The following BACH2 variants were observed in gnomAD, a reference collection of about 807,000 sequenced individuals.
The protein encoded by BACH2 is transcription regulator protein BACH2.
BACH2 carries 5 observed loss-of-function variants against 61.8 expected under a neutral mutation model. The observed-to-expected ratio is 0.08, with a 90% CI of 0.04 to 0.17. The LOEUF (loss-of-function observed/expected upper bound fraction) is 0.17, where lower values mean the gene tolerates loss of function less well. Among genes scored for constraint, BACH2 ranks in the 10% least tolerant of loss-of-function variants. The pLI, the probability that BACH2 is intolerant of heterozygous loss-of-function variation, is 1.00. For synonymous variants in BACH2, 446 were observed against 440.1 expected (o/e 1.01, Z -0.17); for missense variants, 824 against 1,091.1 (o/e 0.76, Z 3.45).
chr6:90,215,722 C>A (rs933218686), intron 3 of BACH2, among the ~76,000 whole-genome samples: 1 of 152,134 alleles, frequency 6.6e-6, no homozygotes, highest in African/African-American at 2.4e-5. Flanking sequence ...TAGGCTACAA[C>A]TAGAATTATG....
chr6:90,078,273 A>G, intron 5 of BACH2, among the ~76,000 whole-genome samples: 1 of 152,178 alleles, frequency 6.6e-6, no homozygotes, highest in East Asian at 1.9e-4. Flanking sequence ...ACCAGCAGGT[A>G]CTACAATTAA....
chr6:90,151,256 C>T (rs1784802007), intron 4 of BACH2, among the ~76,000 whole-genome samples: 1 of 152,056 alleles, frequency 6.6e-6, no homozygotes, highest in African/African-American at 2.4e-5. Context: ...TTCGTGTGTC[C>T]CTTTCCTGAA....
At chr6:89,953,909 C>A (rs944968990) in intron 6 of BACH2, among the ~76,000 whole-genome samples, 1 of 152,072 alleles carries the variant, frequency 6.6e-6, no homozygotes, top group Admixed American at 6.5e-5. Flanking sequence ...GAGGTCTGAC[C>A]GACACTTTTG....
intron 4 of BACH2, among the ~76,000 whole-genome samples, chr6:90,199,995 A>G (rs1375843198): frequency 6.6e-6 from 1 of 152,148 alleles, no homozygotes; most frequent in Non-Finnish European, 1.5e-5. Context: ...AAATGATCGC[A>G]GACCCTAAAG....
intron 5 of BACH2, among the ~76,000 whole-genome samples, chr6:90,046,805 C>CT (rs35251573): frequency 0.32 from 46,531 of 147,590 alleles, 7,522 homozygotes; most frequent in East Asian, 0.68. Flanking sequence ...AATTTGGTGA[C>CT]TTTTTTTTTT....
intron 1 of BACH2, among the ~76,000 whole-genome samples, chr6:90,296,140 G>C (rs991665960): frequency 2.0e-5 from 3 of 151,986 alleles, no homozygotes; most frequent in Admixed American, 6.5e-5. Flanking sequence ...CCCCATGCCT[G>C]ACTTATTACT....
At chr6:90,060,807 C>A (rs1780646100) in intron 5 of BACH2, among the ~76,000 whole-genome samples, 1 of 152,104 alleles carries the variant, frequency 6.6e-6, no homozygotes, top group Non-Finnish European at 1.5e-5. Context: ...GCTATTTTAT[C>A]TCCCTTCTAG....
chr6:90,070,918 C>T (rs1224350007), intron 5 of BACH2, among the ~76,000 whole-genome samples: 2 of 152,212 alleles, frequency 1.3e-5, no homozygotes, highest in African/African-American at 4.8e-5. Context: ...GACACCCTCT[C>T]CATTCCTCAT....
At chr6:89,956,306 C>T (rs1345639229) in intron 6 of BACH2, among the ~76,000 whole-genome samples, 5 of 152,140 alleles carry the variant, frequency 3.3e-5, no homozygotes, top group South Asian at 4.1e-4. Flanking sequence ...GGCGAGACCT[C>T]GGAGAAGGCA....
At chr6:90,079,511 G>A (rs756480042) in intron 5 of BACH2, among the ~76,000 whole-genome samples, 126 of 152,224 alleles carry the variant, frequency 8.3e-4, no homozygotes, top group Non-Finnish European at 1.0e-3. Context: ...GTATGAGTTG[G>A]ATCTTTCTTC....
intron 1 of BACH2, among the ~76,000 whole-genome samples, chr6:90,281,915 A>G (rs928424992): frequency 6.6e-6 from 1 of 152,162 alleles, no homozygotes; most frequent in Non-Finnish European, 1.5e-5. Flanking sequence ...AGGTCACACA[A>G]TAAGTGGCAG....
chr6:90,232,349 A>C (rs957991912), intron 3 of BACH2, among the ~76,000 whole-genome samples: 1 of 152,208 alleles, frequency 6.6e-6, no homozygotes, highest in East Asian at 1.9e-4. Context: ...ATGTAGAAAG[A>C]TCTCTCTTGA....
chr6:90,264,436 T>C (rs542330458), intron 2 of BACH2, among the ~76,000 whole-genome samples: 3 of 152,342 alleles, frequency 2.0e-5, no homozygotes, highest in African/African-American at 7.2e-5. Context: ...ACAAAGGGTA[T>C]ATAAATGTTC....
At chr6:90,225,616 G>T (rs1414475323) in intron 3 of BACH2, among the ~76,000 whole-genome samples, 7 of 152,110 alleles carry the variant, frequency 4.6e-5, no homozygotes, top group Non-Finnish European at 8.8e-5. Context: ...GCCTGTTAGA[G>T]GGGGGTGGGG....
intron 4 of BACH2, among the ~76,000 whole-genome samples, chr6:90,093,612 A>G (rs1207024381): frequency 6.6e-6 from 1 of 152,218 alleles, no homozygotes; most frequent in Non-Finnish European, 1.5e-5. Context: ...CTGATTGGAC[A>G]GTGCAGCCCT....
chr6:90,266,339 A>G (rs544812510), intron 2 of BACH2, among the ~76,000 whole-genome samples: 1 of 152,318 alleles, frequency 6.6e-6, no homozygotes, highest in South Asian at 2.1e-4. Context: ...GAGCCTGTAG[A>G]TGACCAACTA....
chr6:90,082,592 G>A (rs1781770400), intron 5 of BACH2, among the ~76,000 whole-genome samples: 1 of 152,064 alleles, frequency 6.6e-6, no homozygotes, highest in African/African-American at 2.4e-5. Context: ...CTTGAAAAAA[G>A]TCTGGAAAAA....
At chr6:90,031,538 T>C (rs77023187) in intron 5 of BACH2, among the ~76,000 whole-genome samples, 59,174 of 151,864 alleles carry the variant, frequency 0.39, 13,556 homozygotes, top group East Asian at 0.82. Flanking sequence ...GCAAAAATCA[T>C]GAGCATTCTT....
rs1272113957 is a variant in BACH2 at position 89,950,922 on chromosome 6, G to T, written c.1184C>A (p.Pro395His). 1.3e-6 allele frequency: 2 copies of T among 1,585,002 alleles called. No homozygotes were observed. Among genetic ancestry groups the T allele is most frequent in the Non-Finnish European group, 8.6e-7 (1 of 1,165,616 alleles). The change falls in exon 7 of 9, where the codon CCC (proline) becomes CAC (histidine). Residue 395 changes from proline (P) to histidine (H), a missense_variant. Coordinates refer to ENST00000257749, the MANE Select transcript of BACH2 (RefSeq NM_021813.4). The surrounding 1 kb of genome is among the most constrained non-coding windows in gnomAD (Gnocchi z 5.3). Reference protein sequence around the residue: ...YTPFTGNYGQPHVGQKEVSNF... With the variant: ...YTPFTGNYGQHHVGQKEVSNF... ...GGACACCTCCTTCTGGCCCACGTGG[G>T]GCTGTCCATAATTCCCTGTGAAAGG...
Sources: gnomAD v4.1 joint callset for allele counts (sites outside exome capture counted in the v4.1 genomes callset) on GRCh38, gnomAD v4.1.1 for gene constraint, Gnocchi (gnomAD v3.1) non-coding constraint, MANE v1.5 for transcripts, NCBI Gene and HGNC (gene_info 2026-07-23, HGNC 2026-07-21) for gene names.